The following TMTC1 variants were observed in gnomAD, a reference collection of about 807,000 sequenced individuals.
TMTC1 encodes the protein transmembrane O-mannosyltransferase targeting cadherins 1.
TMTC1 carries 73 observed loss-of-function variants against 104.8 expected under a neutral mutation model. That is an observed-to-expected ratio of 0.70 (90% CI 0.58 to 0.85). The LOEUF is 0.85. Ranked by LOEUF, TMTC1 falls within the 40% of genes least tolerant of loss-of-function variation. TMTC1 has a pLI of 0.00. For synonymous variants in TMTC1, 434 were observed against 428.7 expected, an observed-to-expected ratio of 1.01 and a Z score of -0.15; for missense variants, 1,035 against 1,096.1, an observed-to-expected ratio of 0.94 and a Z score of 0.79.
At chr12:29,516,236 G>A (rs1012655647) in intron 15 of TMTC1, 113 bp downstream of exon 15, 12 of 1,322,294 alleles carry the variant, frequency 9.1e-6, no homozygotes, top group Admixed American at 6.9e-5. Context: ...ATATGCTGAC[G>A]GATAAGATTT....
chr12:29,509,200 T>A (rs1386341795), intron 17 of TMTC1, among the ~76,000 whole-genome samples: 1 of 152,186 alleles, frequency 6.6e-6, no homozygotes, highest in African/African-American at 2.4e-5. Flanking sequence ...TTTACTGTCA[T>A]GAGGCAGTAC....
rs745880933 is a variant in TMTC1 at position 29,520,716 on chromosome 12, C to T, written c.1790G>A (p.Arg597Gln). 1.2e-5 allele frequency: 19 copies of T among 1,607,546 alleles called. No homozygotes were observed. The highest frequency in any genetic ancestry group is 1.7e-4 in the Middle Eastern group (1 of 5,954). ...GTATATTTCTTCAGCTTCTTTAAAC[C>T]GCTCCTTTAAAAAGAAAGAAACAAA... ...SLASLLAEQE[R>Q]FKEAEEIYQT... Residue 597 changes from arginine to glutamine, a missense_variant, in exon 12 of 18, where the codon CGG (arginine) becomes CAG (glutamine). Arg to Gln is a conservative substitution (Grantham distance 43). Coordinates refer to ENST00000539277, the MANE Select transcript of TMTC1 (RefSeq NM_001193451.2).
At chr12:29,697,949 G>A (rs1219278069) in intron 5 of TMTC1, among the ~76,000 whole-genome samples, 5 of 152,114 alleles carry the variant, frequency 3.3e-5, no homozygotes, top group Admixed American at 6.5e-5. Context: ...GTAGGCACCC[G>A]GTGGTCTAGC....
At chr12:29,615,477 A>G (rs1291023469) in intron 6 of TMTC1, among the ~76,000 whole-genome samples, 1 of 152,196 alleles carries the variant, frequency 6.6e-6, no homozygotes, top group Admixed American at 6.5e-5. Context: ...AAAGAAAAAA[A>G]TACCTGTAGA....
intron 7 of TMTC1, among the ~76,000 whole-genome samples, chr12:29,585,156 A>G (rs1445611368): frequency 1.3e-5 from 2 of 151,022 alleles, no homozygotes; most frequent in African/African-American, 4.9e-5. Flanking sequence ...ATGGTATCTC[A>G]TTGTGGTTTT....
chr12:29,704,545 C>T (rs1941687452), intron 5 of TMTC1, among the ~76,000 whole-genome samples: 1 of 152,180 alleles, frequency 6.6e-6, no homozygotes, highest in African/African-American at 2.4e-5. Flanking sequence ...GCAATCAAAA[C>T]CCAGAAACCT....
intron 10 of TMTC1, among the ~76,000 whole-genome samples, chr12:29,540,535 C>T (rs1438277871): frequency 6.6e-6 from 1 of 152,152 alleles, no homozygotes; most frequent in South Asian, 2.1e-4. Flanking sequence ...TGTGTTCACT[C>T]GCTGAAATGT....
rs554471197 is a variant in TMTC1, at chr12:29,536,984, G to A, written c.1677-667C>T. 1.3e-4 allele frequency among the ~76,000 whole-genome samples: 20 copies of A among 152,204 alleles called. 1 individual carries two copies. The East Asian group carries it at 3.5e-3, about 26-fold the overall frequency. On this transcript the variant is annotated intron_variant, in intron 10 of 17. Coordinates refer to ENST00000539277, the MANE Select transcript of TMTC1 (RefSeq NM_001193451.2). The stretch of plus-strand genomic sequence containing the variant: ...CACTTCCTTTTAAAGAGGACTCAAG[G>A]CCCAAAAGTCATTACCATTTTCTTG...
chr12:29,523,253 A>G, intron 11 of TMTC1, among the ~76,000 whole-genome samples: 1 of 152,172 alleles, frequency 6.6e-6, no homozygotes, highest in East Asian at 1.9e-4. Context: ...AGATTGGGCA[A>G]CCCCCTGAAC....
At chr12:29,657,904 G>A (rs1210157573) in intron 5 of TMTC1, among the ~76,000 whole-genome samples, 2 of 152,112 alleles carry the variant, frequency 1.3e-5, no homozygotes, top group African/African-American at 4.8e-5. Flanking sequence ...TCAGAAGTTT[G>A]AGGCCAGCCT....
At chr12:29,623,805 T>C (rs1937810006) in intron 6 of TMTC1, among the ~76,000 whole-genome samples, 1 of 136,472 alleles carries the variant, frequency 7.3e-6, no homozygotes, top group East Asian at 2.1e-4. Flanking sequence ...AGAGCAAGAC[T>C]CCGGCTCAAA....
At chr12:29,631,348 T>G (rs566850025) in intron 6 of TMTC1, among the ~76,000 whole-genome samples, 1 of 152,354 alleles carries the variant, frequency 6.6e-6, no homozygotes, top group South Asian at 2.1e-4. Flanking sequence ...GATTTTCTCC[T>G]TTTCTTTTAG....
intron 7 of TMTC1, among the ~76,000 whole-genome samples, chr12:29,603,262 A>T (rs1946613929): frequency 6.6e-6 from 1 of 152,134 alleles, no homozygotes; most frequent in South Asian, 2.1e-4. Flanking sequence ...TATGAAATTC[A>T]CTTCTAATTA....
chr12:29,589,790 G>T (rs1157644214), intron 7 of TMTC1, among the ~76,000 whole-genome samples: 1 of 152,250 alleles, frequency 6.6e-6, no homozygotes, highest in Non-Finnish European at 1.5e-5. Flanking sequence ...TAAGTGGTTT[G>T]ATGGGCCTGT....
chr12:29,602,087 G>T (rs1946582443), intron 7 of TMTC1, among the ~76,000 whole-genome samples: 1 of 151,910 alleles, frequency 6.6e-6, no homozygotes, highest in African/African-American at 2.4e-5. Context: ...GCCCGCCTCG[G>T]CCTCCCAAAG....
rs1040297865 is a variant in TMTC1, at chr12:29,587,177, T to C, written c.1251-3603A>G. ...GTTTAGTCTTGGGAGGGTGTAAGTG[T>C]CGAGGAATTTATCCATTTCTTCTAG... On this transcript the variant is annotated intron_variant, in intron 7 of 17. Transcript: ENST00000539277. Among the ~76,000 whole-genome samples, 3 of 152,180 alleles carry C rather than the reference T, an allele frequency of 2.0e-5. No individual in the cohort carries two copies. In the East Asian group the frequency reaches 5.8e-4, roughly 29 times the overall value.
rs576881482 is a variant in TMTC1 at position 29,766,431 on chromosome 12, C to T, written c.480+1467G>A. ...AGAACAGCAACACAGGCCACCATAC[C>T]TTACTTCTAAGGCCATGTTATATTC... On this transcript the variant is annotated intron_variant, in intron 2 of 17. Transcript: ENST00000539277. Among the ~76,000 whole-genome samples, 6 of 152,288 alleles carry T rather than the reference C, an allele frequency of 3.9e-5. 1 individual carries two copies. The South Asian group carries it at 6.2e-4, about 16-fold the overall frequency.
chr12:29,531,624 A>G (rs1404947248), intron 11 of TMTC1, among the ~76,000 whole-genome samples: 1 of 152,152 alleles, frequency 6.6e-6, no homozygotes, highest in African/African-American at 2.4e-5. Flanking sequence ...TTACTACCCT[A>G]TCTGTGAAGC....
intron 6 of TMTC1, among the ~76,000 whole-genome samples, chr12:29,607,120 C>T (rs896577014): frequency 1.1e-4 from 16 of 152,318 alleles, no homozygotes; most frequent in Admixed American, 4.6e-4. Flanking sequence ...CACAGGGCTG[C>T]GTGTTCATCT....
Sources: allele counts gnomAD v4.1 joint callset (sites outside exome capture counted in the v4.1 genomes callset), GRCh38; gene constraint gnomAD v4.1.1; transcripts MANE v1.5; gene names NCBI Gene and HGNC (gene_info 2026-07-23, HGNC 2026-07-21).